PIWIL1: variants seen among roughly 807,000 people sequenced by gnomAD.
The protein encoded by PIWIL1 is piwi like RNA-mediated gene silencing 1, also known as piwi-like protein 1.
Under a neutral mutation model 114.4 loss-of-function variants are expected in PIWIL1, and 73 were observed. The ratio of observed to expected loss-of-function variants is 0.64; its 90% CI spans 0.53 to 0.78. The LOEUF (loss-of-function observed/expected upper bound fraction) is 0.78, where lower values mean the gene tolerates loss of function less well. Among genes scored for constraint, PIWIL1 ranks in the 30% least tolerant of loss-of-function variants. The pLI is 0.00. For missense variants in PIWIL1, 723 were observed against 1,063.1 expected (o/e 0.68, Z 4.45); for synonymous variants, 375 against 369.0 (o/e 1.02, Z -0.19).
Position 130,371,184 on chromosome 12 carries a change from T to C in PIWIL1, c.2330T>C (p.Phe777Ser). Residue 777 changes from phenylalanine to serine, a missense_variant, in exon 20 of 21, where the codon TTT (phenylalanine) becomes TCT (serine). Phe to Ser is a radical substitution (Grantham distance 155). Transcript: ENST00000245255. ...GTTTTCTGTAATTCCAGGTATGACT[T>C]TTTTATCGTGAGCCAGGCTGTGAGA... ...VEVTRPEWYDFFIVSQAVRSG... is the reference protein window; with the variant it reads ...VEVTRPEWYDSFIVSQAVRSG... 6.2e-7 allele frequency: 1 copy of C among 1,614,122 alleles called. No homozygotes were observed. The highest frequency in any genetic ancestry group is 8.5e-7 in the Non-Finnish European group (1 of 1,180,014).
At chr12:130,345,668 TTA>T in intron 3 of PIWIL1, 83 bp from the exon 4 acceptor site, 1 of 1,424,060 alleles carries the variant, frequency 7.0e-7, no homozygotes. Flanking sequence ...ATCCTTTGGA[TTA>T]CACATAATAG....
the PIWIL1 span, among the ~76,000 whole-genome samples, chr12:130,388,787 T>C: frequency 2.0e-5 from 3 of 152,196 alleles, no homozygotes; most frequent in African/African-American, 2.4e-5. Flanking sequence ...ATCTTACATC[T>C]AGCTGCTTTA....
chr12:130,414,445 G>A, the PIWIL1 span: 7 of 782,964 alleles, frequency 8.9e-6, no homozygotes, highest in South Asian at 1.9e-5. Flanking sequence ...ACATGTAGGT[G>A]GAAATAGATC....
At chr12:130,404,131 C>T in the PIWIL1 span, among the ~76,000 whole-genome samples, 8 of 152,152 alleles carry the variant, frequency 5.3e-5, no homozygotes, top group South Asian at 1.2e-3. Context: ...TAATGACAAT[C>T]TGTGGGAACC....
chr12:130,397,111 T>C, the PIWIL1 span: 7 of 288,376 alleles, frequency 2.4e-5, no homozygotes, highest in Non-Finnish European at 4.5e-5. Context: ...CGTTTGTTAA[T>C]AAGACGTCCC....
the PIWIL1 span, among the ~76,000 whole-genome samples, chr12:130,421,406 G>A: frequency 6.6e-6 from 1 of 152,206 alleles, no homozygotes; most frequent in South Asian, 2.1e-4. Flanking sequence ...TCTAAAAGCT[G>A]TGAAGATGGA....
Position 130,354,595 on chromosome 12 carries a change from G to A in PIWIL1, c.1103G>A (p.Arg368Lys). The A allele has an allele frequency of 6.2e-7, 1 of 1,613,922 alleles. No individual in the cohort carries two copies. Residue 368 changes from arginine (R) to lysine (K), a missense_variant, in exon 10 of 21, where the codon AGA becomes AAA. Coordinates refer to ENST00000245255, the MANE Select transcript of PIWIL1 (RefSeq NM_004764.5). The stretch of plus-strand genomic sequence containing the variant: ...CCTGTCTTGGTCAGCCAGCCCAAGA[G>A]AAGGCGGGGCCCTGGGGGGACACTG... ...KQPVLVSQPK[R>K]RRGPGGTLPG...
chr12:130,383,813 A>G, the PIWIL1 span: 1 of 152,250 alleles, frequency 6.6e-6, no homozygotes, highest in Admixed American at 6.5e-5. Context: ...TTCACTGTAG[A>G]AATTTCTGGA....
At chr12:130,391,210 G>A in the PIWIL1 span, among the ~76,000 whole-genome samples, 5 of 152,222 alleles carry the variant, frequency 3.3e-5, no homozygotes, top group African/African-American at 1.2e-4. Flanking sequence ...GCTGAGCCCC[G>A]GCTTCTCGCC....
chr12:130,363,004 T>G lies in PIWIL1; in HGVS notation c.2055T>G (p.Ala685=). The change falls in exon 18 of 21, where the codon GCT becomes GCG. Residue 685 remains alanine (A), a synonymous_variant. Coordinates refer to ENST00000245255, the MANE Select transcript of PIWIL1 (RefSeq NM_004764.5). ...GGCCTGTTTCAGCGGCTCTGAGGGC[T>G]TGGAATAGCTGCAATGAGTACATGC... ...LKVCLQAALR[A]WNSCNEYMPS... 6.2e-7 allele frequency: 1 copy of G among 1,614,072 alleles called. No individual in the cohort carries two copies. The highest frequency in any genetic ancestry group is 8.5e-7 in the Non-Finnish European group (1 of 1,179,954).
the PIWIL1 span, chr12:130,396,138 T>C: frequency 6.6e-6 from 1 of 152,670 alleles, no homozygotes; most frequent in African/African-American, 2.4e-5. Flanking sequence ...CAGTGTTGTA[T>C]AAAATAACAA....
chr12:130,343,064 G>A lies in PIWIL1; in HGVS notation c.153G>A (p.Arg51=). The A allele has an allele frequency of 6.2e-7, 1 of 1,613,898 alleles. No homozygotes were observed. The highest frequency in any genetic ancestry group is 8.5e-7 in the Non-Finnish European group (1 of 1,179,852). ...PAEGELFGRG[R]QRGTAGGTAK... ...AGGGGGAATTATTTGGCCGTGGACG[G>A]CAGAGAGGAACAGCAGGAGGAACAG... Residue 51 remains arginine (R), a synonymous_variant, in exon 3 of 21, where the codon CGG becomes CGA. Coordinates refer to ENST00000245255, the MANE Select transcript of PIWIL1 (RefSeq NM_004764.5).
intron 9 of PIWIL1, among the ~76,000 whole-genome samples, chr12:130,352,197 T>C (rs1255981484): frequency 6.6e-6 from 1 of 152,232 alleles, no homozygotes; most frequent in Non-Finnish European, 1.5e-5. Flanking sequence ...TTAGATTTTC[T>C]GGTAGAAATG....
rs148178950 is a variant in PIWIL1 at position 130,347,005 on chromosome 12, A to G, written c.596A>G (p.Asn199Ser). Residue 199 changes from asparagine to serine, a missense_variant, in exon 6 of 21, where the codon AAT (asparagine) becomes AGT (serine). This residue lies in a region of PIWIL1 where 190 missense variants were observed against 294.4 expected (regional missense o/e 0.65). Coordinates refer to ENST00000245255, the MANE Select transcript of PIWIL1 (RefSeq NM_004764.5). ...EDVRITITLT[N>S]ELPPTSPTCL... The stretch of plus-strand genomic sequence containing the variant: ...GTGAGGATAACGATCACTTTAACAA[A>G]TGAACTTCCACCTACATCACCAACT... 7 of 1,613,814 alleles carry G rather than the reference A, an allele frequency of 4.3e-6. No individual in the cohort carries two copies. Among genetic ancestry groups the G allele is most frequent in the Non-Finnish European group, 5.9e-6 (7 of 1,179,858 alleles).
intron 9 of PIWIL1, among the ~76,000 whole-genome samples, chr12:130,353,546 T>C (rs949877867): frequency 2.0e-5 from 3 of 152,132 alleles, no homozygotes; most frequent in African/African-American, 7.2e-5. Context: ...GAACCTGTAC[T>C]GAAGAGAACT....
chr12:130,355,710 G>C (rs376998470), intron 12 of PIWIL1, 43 bp downstream of exon 12: 75 of 1,332,028 alleles, frequency 5.6e-5, no homozygotes, highest in Middle Eastern at 5.6e-4. Context: ...TTTTGAGACG[G>C]AGTCTCGCTC....
At position 130,361,227 on chromosome 12, in the gene PIWIL1, T is replaced by TA; in HGVS notation, c.1719dup (p.Tyr574IlefsTer63). The TA allele has an allele frequency of 6.2e-7, 1 of 1,614,164 alleles. No homozygotes were observed. Among genetic ancestry groups the TA allele is most frequent in the Non-Finnish European group, 8.5e-7 (1 of 1,180,034 alleles). ...ATCGGAAGGACAAATACGATGCTATTAAAAAATACCTGTGTACAGATTGCC... is the reference window on the plus strand; with the variant it reads ...ATCGGAAGGACAAATACGATGCTATTAAAAAAATACCTGTGTACAGATTGCC... On this transcript the variant is annotated frameshift_variant, in exon 15 of 21. Coordinates refer to ENST00000245255, the MANE Select transcript of PIWIL1 (RefSeq NM_004764.5). LOFTEE classifies it high-confidence loss of function.
At chr12:130,412,167 A>G in the PIWIL1 span, among the ~76,000 whole-genome samples, 1 of 152,138 alleles carries the variant, frequency 6.6e-6, no homozygotes, top group Non-Finnish European at 1.5e-5. Flanking sequence ...AAGGAGTTTC[A>G]TGTCTACCCA....
chr12:130,424,080 G>C, the PIWIL1 span: 2 of 914,506 alleles, frequency 2.2e-6, no homozygotes, highest in Non-Finnish European at 2.9e-6. This position sits in a 1 kb window ranked among gnomAD's most constrained non-coding sequence, Gnocchi z 9.8. Flanking sequence ...CAGAAAACCA[G>C]TGAAAGGATG....
Sources: allele counts gnomAD v4.1 joint callset (sites outside exome capture counted in the v4.1 genomes callset), GRCh38; gene constraint gnomAD v4.1.1; regional missense constraint gnomAD v4.1.1; non-coding constraint Gnocchi (gnomAD v3.1); transcripts MANE v1.5; gene names NCBI Gene and HGNC (gene_info 2026-07-23, HGNC 2026-07-21).